Variants in PDE6C observed in about 807,000 individuals in gnomAD.
The protein encoded by PDE6C is cone cGMP-specific 3',5'-cyclic phosphodiesterase subunit alpha'.
In PDE6C, 75 loss-of-function variants were observed where a neutral mutation model predicts 113.1. That is an observed-to-expected ratio of 0.66 (90% confidence interval 0.55 to 0.80). The LOEUF (loss-of-function observed/expected upper bound fraction) is 0.80. Among genes scored for constraint, PDE6C ranks in the 30% least tolerant of loss-of-function variants. The pLI is 0.00. For missense variants in PDE6C, 912 were observed against 1,038.6 expected (o/e 0.88, Z 1.67); for synonymous variants, 375 against 363.7 (o/e 1.03, Z -0.35).
chr10:93,625,815 G>A (rs1473831127), intron 5 of PDE6C, among the ~76,000 whole-genome samples, 166 bp downstream of exon 5: 1 of 152,206 alleles, frequency 6.6e-6, no homozygotes, highest in East Asian at 1.9e-4. Context: ...AGCTAGAGCT[G>A]ATTGGCCCCT....
intron 14 of PDE6C, among the ~76,000 whole-genome samples, chr10:93,642,543 C>T (rs201283308): frequency 5.1e-3 from 772 of 152,216 alleles, no homozygotes; most frequent in Non-Finnish European, 8.1e-3. Context: ...CATGAACTAC[C>T]CCTCTCCAGA....
chr10:93,614,436 A>C (rs2058410238), intron 1 of PDE6C, among the ~76,000 whole-genome samples: 1 of 152,124 alleles, frequency 6.6e-6, no homozygotes, highest in South Asian at 2.1e-4. Context: ...AGCTGGGTTA[A>C]GTTTGCTTTT....
chr10:93,622,643 TTTTTTTGTTTTTTTTTTTGTTG>T lies in PDE6C; in HGVS notation c.864+578_864+599del, dbSNP rs1190076753. On this transcript the variant is annotated intron_variant, in intron 4 of 21. Transcript: ENST00000371447. ...CCAAACTCCTGGTAGCCACAGGTTT[TTTTTTTGTTTTTTTTTTTGTTG>T]TTTTTTTTTTTTTGCTGTTTCTATA... 8.3e-4 allele frequency among the ~76,000 whole-genome samples: 11 copies of T among 13,250 alleles called. 1 individual carries two copies. The highest frequency in any genetic ancestry group is 1.0e-3 in the African/African-American group (11 of 10,594). The allele number at this position is 13,250 out of a possible 152,430, so 8.7% of individuals were successfully genotyped here.
rs1018094225 is a variant in PDE6C at position 93,661,914 on chromosome 10, C to G, written c.2209-145C>G. ...CATTTCAATATAATCTGTAAATGAC[C>G]TCTTTTTAAAAGTTAAGAGCATACG... On this transcript the variant is annotated intron_variant, in intron 18 of 21. Coordinates refer to ENST00000371447, the MANE Select transcript of PDE6C (RefSeq NM_006204.4). 10 of 696,292 alleles carry G rather than the reference C, an allele frequency of 1.4e-5. 1 individual carries two copies. The South Asian group carries it at 1.5e-4, about 10-fold the overall frequency. 43.1% of individuals were successfully genotyped at this position (696,292 alleles called of 1,614,324 possible). A position where few individuals can be genotyped will look rare whatever the true frequency, so the allele number is the denominator to read the frequency against.
At position 93,612,983 on chromosome 10, in the gene PDE6C, G is replaced by A; in HGVS notation, c.258G>A (p.Arg86=). Reference sequence around the variant, plus strand: ...AGGGGGTTCACAGGGCCCTGCAGAGGCTGGCCCACCTGCTCCAGGCTGACC... The same window carrying A: ...AGGGGGTTCACAGGGCCCTGCAGAGACTGGCCCACCTGCTCCAGGCTGACC... ...PEQGVHRALQ[R]LAHLLQADRC... Residue 86 remains arginine, a synonymous_variant, in exon 1 of 22, where the codon AGG becomes AGA. Transcript: ENST00000371447. 5.0e-6 allele frequency: 8 copies of A among 1,613,982 alleles called. No individual in the cohort carries two copies. Among genetic ancestry groups the A allele is most frequent in the Non-Finnish European group, 6.8e-6 (8 of 1,179,920 alleles).
chr10:93,660,289 C>A (rs749457454), intron 18 of PDE6C, among the ~76,000 whole-genome samples: 17 of 152,078 alleles, frequency 1.1e-4, no homozygotes, highest in Non-Finnish European at 1.8e-4. Flanking sequence ...GAAACAAAGA[C>A]CCTAAGAAAC....
chr10:93,658,792 G>A, intron 16 of PDE6C, 109 bp from the exon 17 acceptor site: 2 of 723,252 alleles, frequency 2.8e-6, no homozygotes, highest in Non-Finnish European at 5.0e-6. Flanking sequence ...TTGCTATGTG[G>A]ACATCACAAT....
rs561972739 is a variant in PDE6C, at chr10:93,646,569, A to G, written c.1935+522A>G. Among the ~76,000 whole-genome samples, 8 of 152,318 alleles carry G rather than the reference A, an allele frequency of 5.3e-5. No homozygotes were observed. In the South Asian group the frequency reaches 1.7e-3, roughly 32 times the overall value. The stretch of plus-strand genomic sequence containing the variant: ...CAGGCTGTACAGGAAGCACGGCAGC[A>G]TCAACCTCTGGGCAGGCCTCAAGGA... On this transcript the variant is annotated intron_variant, in intron 15 of 21. Transcript: ENST00000371447.
At chr10:93,657,328 A>ATTTT (rs71031526) in intron 16 of PDE6C, among the ~76,000 whole-genome samples, 5 of 88,284 alleles carry the variant, frequency 5.7e-5, no homozygotes, top group African/African-American at 1.4e-4. Context: ...CGCCTGGCTA[A>ATTTT]TTTTTTTTTT....
chr10:93,614,249 C>T (rs1317130819), intron 1 of PDE6C, among the ~76,000 whole-genome samples: 1 of 152,256 alleles, frequency 6.6e-6, no homozygotes, highest in South Asian at 2.1e-4. Context: ...GGATAATCTC[C>T]TAAATGCCTC....
intron 8 of PDE6C, among the ~76,000 whole-genome samples, chr10:93,633,729 G>C (rs2058514432): frequency 6.6e-6 from 1 of 151,896 alleles, no homozygotes; most frequent in South Asian, 2.1e-4. Context: ...GGATCAGTCA[G>C]AAAAACAAAA....
Position 93,660,568 on chromosome 10 carries a change from AGG to A in PDE6C, c.2208+1402_2208+1403del, listed in dbSNP as rs548183860. On this transcript the variant is annotated intron_variant, in intron 18 of 21. Transcript: ENST00000371447. ...TACTTCAGGGGAGAAGGTCGGGGGA[AGG>A]TGAGACTGATCTTCCTGCTGCTTTA... is the stretch of plus-strand genomic sequence containing the variant. Among the ~76,000 whole-genome samples the A allele has an allele frequency of 4.0e-3, 615 of 152,206 alleles. 3 individuals carry two copies. The highest frequency in any genetic ancestry group is 6.8e-3 in the Non-Finnish European group (464 of 68,002).
At chr10:93,613,459 T>C (rs2058403577) in intron 1 of PDE6C, among the ~76,000 whole-genome samples, 1 of 152,196 alleles carries the variant, frequency 6.6e-6, no homozygotes, top group South Asian at 2.1e-4. Context: ...CCATGTAAAG[T>C]TTGGCATTTT....
intron 13 of PDE6C, 83 bp from the exon 14 acceptor site, chr10:93,640,837 T>A: frequency 2.2e-6 from 2 of 901,974 alleles, no homozygotes; most frequent in Non-Finnish European, 3.6e-6. Context: ...AGTGGGCCTA[T>A]TCTCTATTGC....
intron 18 of PDE6C, among the ~76,000 whole-genome samples, chr10:93,661,603 T>G (rs1275135325): frequency 6.6e-6 from 1 of 152,064 alleles, no homozygotes; most frequent in Non-Finnish European, 1.5e-5. Flanking sequence ...TGATAAATGT[T>G]TTTTTTTAGT....
chr10:93,624,008 T>A (rs897478064), intron 4 of PDE6C, among the ~76,000 whole-genome samples: 6 of 151,912 alleles, frequency 3.9e-5, no homozygotes, highest in African/African-American at 9.7e-5. Context: ...ATATATTTTT[T>A]TATATATATA....
At chr10:93,626,906 A>G (rs1297226237) in intron 7 of PDE6C, 35 bp downstream of exon 7, 4 of 1,536,404 alleles carry the variant, frequency 2.6e-6, no homozygotes, top group Non-Finnish European at 3.6e-6. Flanking sequence ...TTTAAATAAT[A>G]TTGCAAGAAA....
intron 15 of PDE6C, among the ~76,000 whole-genome samples, chr10:93,648,219 C>T (rs2058593494): frequency 1.3e-5 from 2 of 152,064 alleles, no homozygotes; most frequent in South Asian, 4.1e-4. Flanking sequence ...GCTTTGATGG[C>T]TATATAAAGA....
chr10:93,654,798 CTTTCTTTCTTTCTT>C (rs2058627628), intron 15 of PDE6C, among the ~76,000 whole-genome samples: 3 of 92,628 alleles, frequency 3.2e-5, no homozygotes, highest in East Asian at 4.1e-4. Flanking sequence ...TTCTTTCTTT[CTTTCTTTCTTTCTT>C]TTTTTTTTTT....
Sources: gnomAD v4.1 joint callset for allele counts (sites outside exome capture counted in the v4.1 genomes callset) on GRCh38, gnomAD v4.1.1 for gene constraint, MANE v1.5 for transcripts, NCBI Gene and HGNC (gene_info 2026-07-23, HGNC 2026-07-21) for gene names.